The following FHIT variants were observed in gnomAD, a reference collection of about 807,000 sequenced individuals.
FHIT encodes bis(5'-adenosyl)-triphosphatase.
FHIT carries 19 observed loss-of-function variants against 17.9 expected under a neutral mutation model. The ratio of observed to expected loss-of-function variants is 1.06; its 90% confidence interval spans 0.74 to 1.56. FHIT has a LOEUF of 1.56. FHIT is among the 40% of genes most tolerant of loss of function. The probability of loss-of-function intolerance (pLI) is 0.00; values close to 1 mark genes in which losing one functional copy is unlikely to be tolerated. For synonymous variants in FHIT, 81 were observed against 69.7 expected (o/e 1.16, Z -0.81); for missense variants, 248 against 189.2 (o/e 1.31, Z -1.82).
intron 5 of FHIT, among the ~76,000 whole-genome samples, chr3:60,287,330 G>C (rs966477991): frequency 6.6e-6 from 1 of 151,896 alleles, no homozygotes; most frequent in African/African-American, 2.4e-5. Flanking sequence ...CACCACACCC[G>C]GCTAATTTTT....
At chr3:60,536,760 T>G (rs566063790) in intron 5 of FHIT, 100 bp downstream of exon 5, 2 of 1,288,720 alleles carry the variant, frequency 1.6e-6, no homozygotes, top group East Asian at 2.5e-5. Context: ...TATTTACCTT[T>G]TTGGACAGAC....
At chr3:60,784,527 G>A (rs1205440362) in intron 4 of FHIT, among the ~76,000 whole-genome samples, 1 of 152,042 alleles carries the variant, frequency 6.6e-6, no homozygotes, top group Non-Finnish European at 1.5e-5. Context: ...GTAGAGATGG[G>A]GTTTTGCCAT....
At chr3:59,874,760 A>T (rs1703077014) in intron 8 of FHIT, among the ~76,000 whole-genome samples, 3 of 152,018 alleles carry the variant, frequency 2.0e-5, no homozygotes, top group Admixed American at 6.5e-5. Flanking sequence ...CTAGGGATGC[A>T]GCAAGAACCA....
chr3:60,283,382 T>G (rs1441000652), intron 5 of FHIT, among the ~76,000 whole-genome samples: 1 of 152,102 alleles, frequency 6.6e-6, no homozygotes, highest in East Asian at 1.9e-4. Flanking sequence ...ATTAAAAATA[T>G]GTAACTGTTA....
chr3:59,781,550 A>G (rs1702583131), intron 8 of FHIT, among the ~76,000 whole-genome samples: 1 of 152,200 alleles, frequency 6.6e-6, no homozygotes, highest in Non-Finnish European at 1.5e-5. Flanking sequence ...ATCACTTAAG[A>G]CAGATTTCAC....
chr3:60,878,718 C>G (rs1441069404), intron 3 of FHIT, among the ~76,000 whole-genome samples: 35 of 152,184 alleles, frequency 2.3e-4, no homozygotes, highest in African/African-American at 7.9e-4. Context: ...CAATTCCCAC[C>G]TATGAGTGAG....
At chr3:60,216,413 A>G (rs1703701210) in intron 5 of FHIT, among the ~76,000 whole-genome samples, 1 of 152,192 alleles carries the variant, frequency 6.6e-6, no homozygotes, top group Admixed American at 6.5e-5. Flanking sequence ...GCTAAAACCC[A>G]GAAGACGTTT....
intron 5 of FHIT, among the ~76,000 whole-genome samples, chr3:60,187,708 T>C (rs1202885572): frequency 6.6e-6 from 1 of 152,172 alleles, no homozygotes; most frequent in East Asian, 1.9e-4. Flanking sequence ...AATCACAGTC[T>C]ATTAAGAATA....
intron 5 of FHIT, among the ~76,000 whole-genome samples, chr3:60,189,874 G>C (rs1702325878): frequency 6.6e-6 from 1 of 152,088 alleles, no homozygotes; most frequent in South Asian, 2.1e-4. Context: ...TCCAGCACTT[G>C]TTCAGCAAAA....
intron 5 of FHIT, among the ~76,000 whole-genome samples, chr3:60,387,454 G>A (rs537629239): frequency 1.3e-5 from 2 of 152,156 alleles, no homozygotes; most frequent in Non-Finnish European, 2.9e-5. Flanking sequence ...CATCTAACAG[G>A]CTCCTTGGTG....
At chr3:59,936,342 T>C (rs1340389691) in intron 7 of FHIT, among the ~76,000 whole-genome samples, 1 of 152,166 alleles carries the variant, frequency 6.6e-6, no homozygotes, top group Non-Finnish European at 1.5e-5. Context: ...TTCTGTTGGG[T>C]ACACAAAAAA....
intron 8 of FHIT, among the ~76,000 whole-genome samples, chr3:59,887,843 G>A (rs979990383): frequency 6.6e-6 from 1 of 152,126 alleles, no homozygotes; most frequent in Admixed American, 6.6e-5. Flanking sequence ...CTGATTGATC[G>A]TCTTCAATTC....
rs1204717296 is a variant in FHIT at position 61,100,935 on chromosome 3, G to T, written c.-163-58836C>A. Among the ~76,000 whole-genome samples, 10 of 152,270 alleles carry T rather than the reference G, an allele frequency of 6.6e-5. No homozygotes were observed. The East Asian group carries it at 1.5e-3, about 23-fold the overall frequency. ...TGGCTTTTCCTGTAAATTTGTTTGAGTTCTTTGTAGATTCTGGATATTAGC... is the reference window on the plus strand; with the variant it reads ...TGGCTTTTCCTGTAAATTTGTTTGATTTCTTTGTAGATTCTGGATATTAGC... On this transcript the variant is annotated intron_variant, in intron 2 of 9. Transcript: ENST00000492590.
chr3:60,318,627 C>T (rs941113575), intron 5 of FHIT, among the ~76,000 whole-genome samples: 1 of 152,158 alleles, frequency 6.6e-6, no homozygotes. Context: ...ATGTGATGGA[C>T]AGAGAACTTG....
chr3:60,710,442 C>A (rs1420157441), intron 4 of FHIT, among the ~76,000 whole-genome samples: 3 of 152,182 alleles, frequency 2.0e-5, no homozygotes, highest in African/African-American at 4.8e-5. Context: ...GTGCAGTGCA[C>A]CGTGCACCAG....
At chr3:60,052,024 C>A (rs538371841) in intron 5 of FHIT, among the ~76,000 whole-genome samples, 91 of 152,196 alleles carry the variant, frequency 6.0e-4, no homozygotes, top group Non-Finnish European at 9.6e-4. Context: ...CCCAACTGGA[C>A]TAATTTTTGT....
rs74709113 is a variant in FHIT at position 59,904,739 on chromosome 3, T to C, written c.348+17607A>G. ...TGAGGAGGGCAGGGAAGAATTTTAC[T>C]GAGTGACGAAAACAGTTTTTAGCGA... On this transcript the variant is annotated intron_variant, in intron 8 of 9. Coordinates refer to ENST00000492590, the MANE Select transcript of FHIT (RefSeq NM_002012.4). 8.0e-3 allele frequency among the ~76,000 whole-genome samples: 1,214 copies of C among 152,336 alleles called. 9 individuals are homozygous for C. The highest frequency in any genetic ancestry group is 0.025 in the African/African-American group (1,044 of 41,576).
At chr3:59,827,644 G>A (rs1306926491) in intron 8 of FHIT, among the ~76,000 whole-genome samples, 1 of 152,182 alleles carries the variant, frequency 6.6e-6, no homozygotes, top group Non-Finnish European at 1.5e-5. Flanking sequence ...GGGCAGTAAA[G>A]GGACAAGGTC....
At chr3:60,028,767 T>A (rs1344848493) in intron 5 of FHIT, among the ~76,000 whole-genome samples, 2 of 152,136 alleles carry the variant, frequency 1.3e-5, no homozygotes, top group African/African-American at 2.4e-5. Context: ...CCCAAGGAAT[T>A]TAGTAAAGAC....
Sources: gnomAD v4.1 joint callset for allele counts (sites outside exome capture counted in the v4.1 genomes callset) on GRCh38, gnomAD v4.1.1 for gene constraint, MANE v1.5 for transcripts, NCBI Gene and HGNC (gene_info 2026-07-23, HGNC 2026-07-21) for gene names.